Variants in ADAMTS12 observed in about 807,000 individuals in gnomAD.
The protein encoded by ADAMTS12 is ADAM metallopeptidase with thrombospondin type 1 motif 12, also known as A disintegrin and metalloproteinase with thrombospondin motifs 12.
Under a neutral mutation model 167.8 loss-of-function variants are expected in ADAMTS12, and 118 were observed. The observed-to-expected ratio is 0.70, with a 90% CI of 0.61 to 0.82. The LOEUF (loss-of-function observed/expected upper bound fraction) is 0.82. Among genes scored for constraint, ADAMTS12 ranks in the 40% least tolerant of loss-of-function variants. ADAMTS12 has a pLI of 0.00. For synonymous variants in ADAMTS12, 704 were observed against 716.9 expected (o/e 0.98, Z 0.29); for missense variants, 1,916 against 1,998.8 (o/e 0.96, Z 0.79).
intron 1 of ADAMTS12, among the ~76,000 whole-genome samples, chr5:33,890,026 A>G (rs1016317938): frequency 6.6e-6 from 1 of 152,216 alleles, no homozygotes; most frequent in African/African-American, 2.4e-5. Flanking sequence ...AGCACTTTAT[A>G]GGTTTTTTGA....
At chr5:33,686,178 C>T (rs1261544106) in intron 3 of ADAMTS12, among the ~76,000 whole-genome samples, 1 of 152,210 alleles carries the variant, frequency 6.6e-6, no homozygotes. Context: ...ACCCAGTGCC[C>T]TCACAAAGCC....
chr5:33,825,473 C>T (rs565115908), intron 2 of ADAMTS12, among the ~76,000 whole-genome samples: 8 of 152,198 alleles, frequency 5.3e-5, no homozygotes, highest in African/African-American at 1.9e-4. Flanking sequence ...GTAAGAGCTG[C>T]ATGAATGTTG....
chr5:33,820,478 A>G (rs1747828100), intron 2 of ADAMTS12, among the ~76,000 whole-genome samples: 1 of 152,196 alleles, frequency 6.6e-6, no homozygotes, highest in Non-Finnish European at 1.5e-5. Context: ...TGGCATTTGC[A>G]CAACATCTAA....
chr5:33,665,538 A>G (rs915640737), intron 5 of ADAMTS12, among the ~76,000 whole-genome samples: 1 of 152,234 alleles, frequency 6.6e-6, no homozygotes. Context: ...TTTAAAATGT[A>G]TAAGAGAGAA....
chr5:33,863,216 T>G (rs4404682), intron 2 of ADAMTS12, among the ~76,000 whole-genome samples: 14,335 of 152,040 alleles, frequency 0.094, 1,197 homozygotes, highest in African/African-American at 0.21. Flanking sequence ...GAGAAAGAAA[T>G]AAAGGGTATT....
intron 19 of ADAMTS12, among the ~76,000 whole-genome samples, chr5:33,572,403 A>G (rs1156463951): frequency 6.6e-6 from 1 of 151,964 alleles, no homozygotes; most frequent in Non-Finnish European, 1.5e-5. Flanking sequence ...ATCCACCATG[A>G]TCAAGTGGGC....
chr5:33,662,551 CAT>C (rs201934507), intron 5 of ADAMTS12, among the ~76,000 whole-genome samples: 2,749 of 152,312 alleles, frequency 0.018, 94 homozygotes, highest in African/African-American at 0.063. Flanking sequence ...CAGTGGATGA[CAT>C]AATCTCTCCA....
intron 2 of ADAMTS12, among the ~76,000 whole-genome samples, chr5:33,754,006 A>G (rs916111949): frequency 1.7e-4 from 26 of 152,298 alleles, no homozygotes; most frequent in African/African-American, 6.0e-4. Flanking sequence ...AAGCAGCTGT[A>G]GGGAGAGTGA....
chr5:33,695,416 A>T (rs1483770737), intron 3 of ADAMTS12, among the ~76,000 whole-genome samples: 2 of 152,228 alleles, frequency 1.3e-5, no homozygotes, highest in East Asian at 3.8e-4. Flanking sequence ...AGATCAGTAA[A>T]TCGTGACATA....
intron 19 of ADAMTS12, 143 bp downstream of exon 19, chr5:33,575,911 G>A (rs1746680509): frequency 2.6e-6 from 3 of 1,169,462 alleles, no homozygotes; most frequent in East Asian, 2.6e-5. Context: ...AAGGAGGGAG[G>A]GGAGGGCATG....
At chr5:33,698,576 A>G (rs556689080) in intron 3 of ADAMTS12, among the ~76,000 whole-genome samples, 24 of 152,362 alleles carry the variant, frequency 1.6e-4, no homozygotes, top group African/African-American at 5.0e-4. Context: ...CCTTTAACAC[A>G]GTAGTTGCTT....
intron 2 of ADAMTS12, among the ~76,000 whole-genome samples, chr5:33,775,349 G>A (rs1234355860): frequency 2.0e-5 from 3 of 152,132 alleles, no homozygotes; most frequent in Non-Finnish European, 4.4e-5. Context: ...CCATGGAAAA[G>A]GTGGAGAAAG....
chr5:33,647,057 A>C (rs1210381515), intron 9 of ADAMTS12, among the ~76,000 whole-genome samples: 2 of 152,162 alleles, frequency 1.3e-5, no homozygotes, highest in Non-Finnish European at 1.5e-5. Context: ...AGACACAAAG[A>C]GATGAAAATA....
chr5:33,867,253 C>A (rs1249774623), intron 2 of ADAMTS12, among the ~76,000 whole-genome samples: 2 of 152,076 alleles, frequency 1.3e-5, no homozygotes, highest in Non-Finnish European at 2.9e-5. Flanking sequence ...ATGTGGTATA[C>A]ATACACCATG....
intron 3 of ADAMTS12, among the ~76,000 whole-genome samples, chr5:33,743,053 A>G (rs1458291241): frequency 2.6e-5 from 4 of 152,238 alleles, no homozygotes; most frequent in Non-Finnish European, 2.9e-5. Context: ...TGAGTTCATT[A>G]GCATGAAAGG....
intron 2 of ADAMTS12, among the ~76,000 whole-genome samples, chr5:33,804,674 G>C (rs1384123104): frequency 6.6e-6 from 1 of 152,294 alleles, no homozygotes; most frequent in African/African-American, 2.4e-5. Context: ...TATTTGCAAT[G>C]CAATTCACAA....
intron 2 of ADAMTS12, among the ~76,000 whole-genome samples, chr5:33,793,993 C>T (rs918930052): frequency 6.6e-6 from 1 of 152,180 alleles, no homozygotes; most frequent in African/African-American, 2.4e-5. Context: ...ATTCCTCCTC[C>T]CCGTGGAGTT....
chr5:33,657,613 C>T (rs548652011), intron 7 of ADAMTS12, among the ~76,000 whole-genome samples: 1 of 152,332 alleles, frequency 6.6e-6, no homozygotes, highest in South Asian at 2.1e-4. Flanking sequence ...ACAACTTGGA[C>T]ATCCAGTTAA....
intron 2 of ADAMTS12, among the ~76,000 whole-genome samples, chr5:33,809,983 GAAAAAAA>G (rs202032209): frequency 1.7e-5 from 2 of 118,098 alleles, no homozygotes; most frequent in Non-Finnish European, 3.5e-5. Flanking sequence ...AAGTTTAACA[GAAAAAAA>G]AAAAAAAAAA....
Sources: gnomAD v4.1 joint callset for allele counts (sites outside exome capture counted in the v4.1 genomes callset) on GRCh38, gnomAD v4.1.1 for gene constraint, MANE v1.5 for transcripts, NCBI Gene and HGNC (gene_info 2026-07-23, HGNC 2026-07-21) for gene names.